The following SLC2A9 variants were observed in gnomAD, a reference collection of about 807,000 sequenced individuals.
SLC2A9 encodes the protein solute carrier family 2 member 9, also known as solute carrier family 2, facilitated glucose transporter member 9.
A neutral mutation model predicts 50.6 loss-of-function variants in SLC2A9; 39 were observed. The observed-to-expected ratio is 0.77, with a 90% CI of 0.60 to 1.01. The LOEUF (loss-of-function observed/expected upper bound fraction) is 1.01. Among genes scored for constraint, SLC2A9 ranks in the 50% least tolerant of loss-of-function variants. The pLI, the probability that SLC2A9 is intolerant of heterozygous loss-of-function variation, is 0.00. For synonymous variants in SLC2A9, 324 were observed against 276.9 expected, an observed-to-expected ratio of 1.17 and a Z score of -1.69; for missense variants, 686 against 677.6, an observed-to-expected ratio of 1.01 and a Z score of -0.14.
chr4:9,923,578 G>A (rs530282038), intron 6 of SLC2A9, among the ~76,000 whole-genome samples: 5 of 152,174 alleles, frequency 3.3e-5, no homozygotes, highest in Non-Finnish European at 5.9e-5. Context: ...GCATGGCACG[G>A]CTCACGCTTG....
intron 9 of SLC2A9, among the ~76,000 whole-genome samples, chr4:9,888,300 A>C (rs113816574): frequency 0.12 from 18,180 of 150,642 alleles, 1,271 homozygotes; most frequent in African/African-American, 0.17. Context: ...TATATATATG[A>C]ATGTTTCCTC....
At chr4:9,861,831 G>A (rs948407498) in intron 10 of SLC2A9, among the ~76,000 whole-genome samples, 5 of 152,084 alleles carry the variant, frequency 3.3e-5, no homozygotes, top group African/African-American at 1.2e-4. Context: ...AAAACTACTT[G>A]CTGAATTAAT....
chr4:10,024,165 C>G (rs1763677060), upstream of SLC2A9, among the ~76,000 whole-genome samples: 1 of 152,176 alleles, frequency 6.6e-6, no homozygotes. Context: ...CTCTCGCTGC[C>G]TCTGTGCTCC....
Position 9,957,150 on chromosome 4 carries a change from A to G in SLC2A9, c.682-15105T>C, listed in dbSNP as rs895726477. Among the ~76,000 whole-genome samples, 20 of 152,134 alleles carry G rather than the reference A, an allele frequency of 1.3e-4. No homozygotes were observed. In the East Asian group the frequency reaches 3.9e-3, roughly 29 times the overall value. On this transcript the variant is annotated intron_variant, in intron 5 of 11. Coordinates refer to ENST00000264784, the MANE Select transcript of SLC2A9 (RefSeq NM_020041.3). ...CCAGAAGATGGGGTTCATTCTCACAATCAATGGAACCACAGTCATTCCAGG... is the reference window on the plus strand; with the variant it reads ...CCAGAAGATGGGGTTCATTCTCACAGTCAATGGAACCACAGTCATTCCAGG...
rs1197329896 is a variant in SLC2A9 at position 9,782,423 on chromosome 4, T to C, written n.386-2358A>G. ...CTCCACTGCCTCCATCCTGAACCTG[T>C]GCGTCATCAGCGTGGACCGCTACTG... On this transcript the variant is annotated intron_variant and non_coding_transcript_variant, in intron 3 of 3. Transcript: ENST00000503803. 3.1e-6 allele frequency: 5 copies of C among 1,614,030 alleles called. No individual in the cohort carries two copies. In the South Asian group the frequency reaches 4.4e-5, roughly 14 times the overall value.
Position 9,771,501 on chromosome 4 carries a change from G to A in SLC2A9, n.182-132C>T, listed in dbSNP as rs188947289. 89 of 398,808 alleles carry A rather than the reference G, an allele frequency of 2.2e-4. 1 individual carries two copies. In the Admixed American group the frequency reaches 3.3e-3, roughly 15 times the overall value. 24.7% of individuals were successfully genotyped at this position (398,808 alleles called of 1,614,324 possible). On this transcript the variant is annotated intron_variant and non_coding_transcript_variant, in intron 1 of 1. Transcript: ENST00000508585. ...CCCAACACAACTGCCAAAGAGTCTG[G>A]GAAGCATAGAGAGTGCACAGATAGC...
exon 4 of SLC2A9, chr4:9,779,866 C>G (rs1248919250): frequency 1.3e-5 from 2 of 152,154 alleles, no homozygotes; most frequent in African/African-American, 2.4e-5. Flanking sequence ...GGAATTCAAA[C>G]CCATGTCTCC....
intron 5 of SLC2A9, among the ~76,000 whole-genome samples, chr4:9,980,057 C>T (rs1479157340): frequency 6.6e-6 from 1 of 152,066 alleles, no homozygotes; most frequent in African/African-American, 2.4e-5. Flanking sequence ...CTGCTAAGGC[C>T]ACACAGCAAG....
intron 10 of SLC2A9, among the ~76,000 whole-genome samples, chr4:9,843,732 G>A (rs1268442498): frequency 1.3e-5 from 2 of 152,204 alleles, no homozygotes; most frequent in East Asian, 1.9e-4. Context: ...AATTGTGTCT[G>A]AGGTGTGATG....
intron 10 of SLC2A9, among the ~76,000 whole-genome samples, chr4:9,836,284 C>A (rs1184508247): frequency 5.4e-5 from 8 of 149,258 alleles, no homozygotes; most frequent in Non-Finnish European, 1.2e-4. Flanking sequence ...CACCTGTTCC[C>A]CAAAAAACCT....
At chr4:9,781,826 G>C (rs1405515071) in intron 3 of SLC2A9, 79 of 441,110 alleles carry the variant, frequency 1.8e-4, no homozygotes, top group Non-Finnish European at 2.4e-5. Flanking sequence ...GGCGCACCAC[G>C]GCCATGGAGC....
chr4:9,850,432 G>C (rs1453883171), intron 10 of SLC2A9, among the ~76,000 whole-genome samples: 2 of 152,180 alleles, frequency 1.3e-5, no homozygotes, highest in African/African-American at 4.8e-5. Context: ...GACCTGGACA[G>C]AGCAGGGTGG....
intron 6 of SLC2A9, among the ~76,000 whole-genome samples, chr4:9,931,477 A>C (rs1434411475): frequency 6.6e-6 from 1 of 152,214 alleles, no homozygotes; most frequent in Non-Finnish European, 1.5e-5. Context: ...GAAGAGGCTA[A>C]GGTTTATTGT....
intron 6 of SLC2A9, among the ~76,000 whole-genome samples, chr4:9,926,999 G>A (rs1202589427): frequency 6.6e-6 from 1 of 151,268 alleles, no homozygotes; most frequent in Non-Finnish European, 1.5e-5. Context: ...CTGGCCTCCA[G>A]AACTGTGAGG....
intron 6 of SLC2A9, among the ~76,000 whole-genome samples, chr4:9,935,952 A>G (rs1334376581): frequency 1.3e-5 from 2 of 152,184 alleles, no homozygotes; most frequent in African/African-American, 4.8e-5. Context: ...GTTGTGTCTG[A>G]ACACACCAGG....
At position 9,934,897 on chromosome 4, in the gene SLC2A9, A is replaced by G. The variant is rs1746785961; in HGVS notation, c.814+7016T>C. Among the ~76,000 whole-genome samples, 3 of 152,182 alleles carry G rather than the reference A, an allele frequency of 2.0e-5. No individual in the cohort carries two copies. In the South Asian group the frequency reaches 6.2e-4, roughly 32 times the overall value. On this transcript the variant is annotated intron_variant, in intron 6 of 11. Coordinates refer to ENST00000264784, the MANE Select transcript of SLC2A9 (RefSeq NM_020041.3). ...TGTTCAGCTCCCACTTATGAGTGAG[A>G]GCATGCGGTGTTTGGTTTTCTGTTC...
chr4:9,869,834 T>C (rs1452136022), intron 10 of SLC2A9, among the ~76,000 whole-genome samples: 2 of 152,258 alleles, frequency 1.3e-5, no homozygotes, highest in Admixed American at 1.3e-4. Context: ...TCTAGTCCAG[T>C]GCAGTGGGCT....
intron 11 of SLC2A9, among the ~76,000 whole-genome samples, chr4:9,832,587 G>A (rs1301509107): frequency 6.6e-6 from 1 of 152,218 alleles, no homozygotes; most frequent in African/African-American, 2.4e-5. Context: ...ACTGTTTCCA[G>A]AGGGGATTTG....
chr4:9,953,791 TTTTGTTTGTTTG>T (rs55668476), intron 5 of SLC2A9, among the ~76,000 whole-genome samples: 2 of 151,100 alleles, frequency 1.3e-5, no homozygotes, highest in African/African-American at 4.9e-5. Context: ...CCCAGCTAAA[TTTTGTTTGTTTG>T]TTTGTTTGTT....
Sources: allele counts gnomAD v4.1 joint callset (sites outside exome capture counted in the v4.1 genomes callset), GRCh38; gene constraint gnomAD v4.1.1; transcripts MANE v1.5; gene names NCBI Gene and HGNC (gene_info 2026-07-23, HGNC 2026-07-21).